Variants in LANCL2 observed in about 807,000 individuals in gnomAD.
The protein encoded by LANCL2 is LanC like glutathione S-transferase 2, also known as lanC-like protein 2.
In LANCL2, 33 loss-of-function variants were observed where a neutral mutation model predicts 56.9. That is an observed-to-expected ratio of 0.58 (90% confidence interval 0.44 to 0.78). The LOEUF is 0.78. Ranked by LOEUF, LANCL2 falls within the 30% of genes least tolerant of loss-of-function variation. LANCL2 has a pLI of 0.00. For missense variants in LANCL2, 562 were observed against 580.2 expected (o/e 0.97, Z 0.32); for synonymous variants, 233 against 228.2 (o/e 1.02, Z -0.19).
Position 55,365,967 on chromosome 7 carries a change from C to A in LANCL2, c.-59C>A, listed in dbSNP as rs1007965203. ...GCCCTCGGAGGAGGCGGCGGCGGGGCGAGCTGCAGCGCCGGGACAGGAGGT... is the reference window on the plus strand; with the variant it reads ...GCCCTCGGAGGAGGCGGCGGCGGGGAGAGCTGCAGCGCCGGGACAGGAGGT... On this transcript the variant is annotated 5_prime_UTR_variant, in exon 1 of 9. Transcript: ENST00000254770. 69 of 1,294,540 alleles carry A rather than the reference C, an allele frequency of 5.3e-5. No individual in the cohort carries two copies. The highest frequency in any genetic ancestry group is 6.9e-5 in the Non-Finnish European group (68 of 987,636). The allele number at this position is 1,294,540 out of a possible 1,614,324, so 80.2% of individuals were successfully genotyped here.
At chr7:55,425,836 G>C (rs778618829) in intron 7 of LANCL2, among the ~76,000 whole-genome samples, 1 of 152,120 alleles carries the variant, frequency 6.6e-6, no homozygotes, top group Non-Finnish European at 1.5e-5. Context: ...TAATCGTCCT[G>C]CCAAAACCCT....
chr7:55,378,539 T>TATAC (rs1336883181), intron 1 of LANCL2, among the ~76,000 whole-genome samples: 13 of 64,626 alleles, frequency 2.0e-4, no homozygotes, highest in Admixed American at 6.7e-4. Flanking sequence ...TATACGTGTG[T>TATAC]GTGTGTGTGT....
chr7:55,366,634 C>T (rs954944234), intron 1 of LANCL2, among the ~76,000 whole-genome samples: 14 of 152,154 alleles, frequency 9.2e-5, no homozygotes, highest in Non-Finnish European at 2.1e-4. Flanking sequence ...CATATCTGGT[C>T]CCTGGGCTCT....
intron 1 of LANCL2, among the ~76,000 whole-genome samples, chr7:55,370,805 A>G (rs1789935876): frequency 1.3e-5 from 2 of 152,164 alleles, no homozygotes; most frequent in African/African-American, 4.8e-5. Context: ...GAGAAGAGGG[A>G]GCGTGAATGG....
chr7:55,369,729 G>A (rs917152605), intron 1 of LANCL2, among the ~76,000 whole-genome samples: 1 of 152,156 alleles, frequency 6.6e-6, no homozygotes, highest in African/African-American at 2.4e-5. Context: ...TGATGTTCAA[G>A]TCCAACCAGG....
At chr7:55,430,328 G>T (rs537553770) in intron 8 of LANCL2, among the ~76,000 whole-genome samples, 1 of 152,224 alleles carries the variant, frequency 6.6e-6, no homozygotes, top group Non-Finnish European at 1.5e-5. Context: ...GGCACAGAAC[G>T]TGAATGAATT....
intron 1 of LANCL2, among the ~76,000 whole-genome samples, chr7:55,376,720 T>G (rs1562856744): frequency 6.6e-6 from 1 of 152,378 alleles, no homozygotes; most frequent in East Asian, 1.9e-4. Flanking sequence ...ATACCATATT[T>G]GATATTGCTA....
intron 5 of LANCL2, among the ~76,000 whole-genome samples, chr7:55,402,756 C>G (rs1449809830): frequency 7.9e-6 from 1 of 126,066 alleles, no homozygotes; most frequent in East Asian, 2.1e-4. Context: ...CTCCTCACTT[C>G]TCAGACGGGG....
rs770121457 is a variant in LANCL2, at chr7:55,398,483, G to A, written c.383G>A (p.Arg128Gln). Residue 128 changes from arginine to glutamine, a missense_variant, in exon 3 of 9, where the codon CGA becomes CAA. Coordinates refer to ENST00000254770, the MANE Select transcript of LANCL2 (RefSeq NM_018697.4). ...RVTCDQTYLLRSLDYVKRTLR... is the reference protein window; with the variant it reads ...RVTCDQTYLLQSLDYVKRTLR... ...ACATGTGACCAAACCTACCTGCTCC[G>A]ATCCCTGGATTACGTAAAAAGAACA... The A allele has an allele frequency of 1.5e-5, 25 of 1,614,024 alleles. No individual in the cohort carries two copies. The highest frequency in any genetic ancestry group is 2.7e-5 in the African/African-American group (2 of 74,906).
chr7:55,386,691 C>T (rs1583747482), intron 1 of LANCL2, among the ~76,000 whole-genome samples: 1 of 152,202 alleles, frequency 6.6e-6, no homozygotes, highest in South Asian at 2.1e-4. Flanking sequence ...CCAATTAGGA[C>T]TCCACATTTC....
intron 6 of LANCL2, among the ~76,000 whole-genome samples, chr7:55,424,841 TCAG>T (rs1222103011): frequency 6.6e-6 from 1 of 152,206 alleles, no homozygotes; most frequent in Non-Finnish European, 1.5e-5. Flanking sequence ...ACCTGTCAGA[TCAG>T]CGGCCACATT....
intron 1 of LANCL2, among the ~76,000 whole-genome samples, chr7:55,373,658 ATGTT>A (rs1789970588): frequency 6.6e-6 from 1 of 152,156 alleles, no homozygotes; most frequent in Admixed American, 6.6e-5. Flanking sequence ...TAGGTAGTAA[ATGTT>A]TGTTGACTGA....
At chr7:55,366,908 C>A (rs535027433) in intron 1 of LANCL2, among the ~76,000 whole-genome samples, 1 of 152,248 alleles carries the variant, frequency 6.6e-6, no homozygotes, top group East Asian at 1.9e-4. Flanking sequence ...TGCGGGGAGG[C>A]TAATGGAAGA....
intron 1 of LANCL2, among the ~76,000 whole-genome samples, chr7:55,381,610 A>G (rs1304407452): frequency 6.6e-6 from 1 of 152,250 alleles, no homozygotes; most frequent in Non-Finnish European, 1.5e-5. Flanking sequence ...CCAGGAACAT[A>G]GTGTGAGAGA....
chr7:55,409,229 A>C (rs1039375526), intron 5 of LANCL2, among the ~76,000 whole-genome samples: 1 of 151,124 alleles, frequency 6.6e-6, no homozygotes, highest in African/African-American at 2.4e-5. Flanking sequence ...CTGGGACTAC[A>C]GGCACCTGCC....
At chr7:55,400,526 C>T (rs577423259) in intron 4 of LANCL2, among the ~76,000 whole-genome samples, 13 of 152,274 alleles carry the variant, frequency 8.5e-5, no homozygotes, top group East Asian at 5.8e-4. Context: ...GTGGAGGCAA[C>T]GCAGCTTCCT....
intron 6 of LANCL2, among the ~76,000 whole-genome samples, chr7:55,419,355 A>T (rs929270696): frequency 7.3e-6 from 1 of 136,706 alleles, no homozygotes. Context: ...CTTTTTTTTA[A>T]TGTTTAGTAA....
At chr7:55,426,845 C>T (rs1257527016) in intron 7 of LANCL2, among the ~76,000 whole-genome samples, 1 of 152,156 alleles carries the variant, frequency 6.6e-6, no homozygotes, top group African/African-American at 2.4e-5. Flanking sequence ...AGCCAGATTC[C>T]GCAGGCCTGG....
intron 1 of LANCL2, among the ~76,000 whole-genome samples, chr7:55,378,085 T>C (rs1223281431): frequency 6.6e-6 from 1 of 152,242 alleles, no homozygotes; most frequent in Non-Finnish European, 1.5e-5. Context: ...AAAAACTGAA[T>C]GATGTGACGA....
Sources: allele counts gnomAD v4.1 joint callset (sites outside exome capture counted in the v4.1 genomes callset), GRCh38; gene constraint gnomAD v4.1.1; transcripts MANE v1.5; gene names NCBI Gene and HGNC (gene_info 2026-07-23, HGNC 2026-07-21).